UTRN: variants seen among roughly 807,000 people sequenced by gnomAD.
UTRN encodes the protein dystrophin-related protein 1.
In UTRN, 283 loss-of-function variants were observed where a neutral mutation model predicts 463.9. The ratio of observed to expected loss-of-function variants is 0.61; its 90% CI spans 0.55 to 0.67. UTRN has a LOEUF of 0.67. Among genes scored for constraint, UTRN ranks in the 30% least tolerant of loss-of-function variants. The pLI is 0.00. For synonymous variants in UTRN, 1,442 were observed against 1,431.5 expected (o/e 1.01, Z -0.17); for missense variants, 3,922 against 4,084.3 (o/e 0.96, Z 1.08).
intron 2 of UTRN, among the ~76,000 whole-genome samples, chr6:144,362,046 A>G (rs946608475): frequency 3.9e-5 from 6 of 152,216 alleles, no homozygotes; most frequent in African/African-American, 1.4e-4. Context: ...ACAACAACAA[A>G]AAAAGGAGTA....
intron 58 of UTRN, among the ~76,000 whole-genome samples, chr6:144,764,069 A>G (rs1278267781): frequency 6.6e-6 from 1 of 152,202 alleles, no homozygotes; most frequent in Non-Finnish European, 1.5e-5. Context: ...TCTTTCTAGT[A>G]GTCTGTGACT....
At chr6:144,729,543 T>C (rs981055414) in intron 53 of UTRN, among the ~76,000 whole-genome samples, 16 of 152,240 alleles carry the variant, frequency 1.1e-4, no homozygotes, top group African/African-American at 3.9e-4. Flanking sequence ...GTTATGTGTT[T>C]AATTTTAAGA....
intron 51 of UTRN, among the ~76,000 whole-genome samples, chr6:144,657,724 A>C (rs1779471492): frequency 6.6e-6 from 1 of 152,086 alleles, no homozygotes; most frequent in Non-Finnish European, 1.5e-5. Context: ...TGTTCCACGG[A>C]GTTTTTGTTT....
Position 144,505,869 on chromosome 6 carries a change from T to C in UTRN, c.4765-5075T>C, listed in dbSNP as rs537275783. Among the ~76,000 whole-genome samples, 13 of 152,310 alleles carry C rather than the reference T, an allele frequency of 8.5e-5. No individual in the cohort carries two copies. The East Asian group carries it at 2.3e-3, about 27-fold the overall frequency. On this transcript the variant is annotated intron_variant, in intron 34 of 74. Transcript: ENST00000367545. ...CCAGTTGGGCGTTAAAGTATCCCCC[T>C]ATTATTGTGTGGAAGTCTAAGTCTC... is the stretch of plus-strand genomic sequence containing the variant.
chr6:144,480,099 T>A, intron 26 of UTRN, 117 bp downstream of exon 26: 1 of 1,231,010 alleles, frequency 8.1e-7, no homozygotes, highest in Non-Finnish European at 1.1e-6. Flanking sequence ...TCTTTCACAG[T>A]AGGTTTTTGA....
chr6:144,686,073 A>G lies in UTRN; in HGVS notation c.7652+7495A>G, dbSNP rs535281715. Among the ~76,000 whole-genome samples the G allele has an allele frequency of 2.6e-5, 4 of 152,228 alleles. No individual in the cohort carries two copies. The South Asian group carries it at 6.2e-4, about 24-fold the overall frequency. On this transcript the variant is annotated intron_variant, in intron 52 of 74. Coordinates refer to ENST00000367545, the MANE Select transcript of UTRN (RefSeq NM_007124.3). Reference sequence around the variant, plus strand: ...TAATCCATGTTGAGTTGATTTTTGTATATAGTGAGAAATAGGAATTCAGTT... The same window carrying G: ...TAATCCATGTTGAGTTGATTTTTGTGTATAGTGAGAAATAGGAATTCAGTT...
At chr6:144,364,824 T>G (rs1242608919) in intron 2 of UTRN, among the ~76,000 whole-genome samples, 1 of 152,198 alleles carries the variant, frequency 6.6e-6, no homozygotes, top group Non-Finnish European at 1.5e-5. Context: ...GTTTCTTGGC[T>G]CATGGCTCTC....
rs1799462735 is a variant in UTRN, at chr6:144,557,181, G to A, written c.7159G>A (p.Gly2387Arg). The change falls in exon 50 of 75, where the codon GGA (glycine) becomes AGA (arginine). Residue 2387 changes from glycine to arginine, a missense_variant. Physicochemically the swap from Gly to Arg is moderately radical, Grantham distance 125. Around this residue, in one of 3 missense-constraint regions of UTRN, gnomAD observed 1,309 missense variants for 1,452.6 expected, o/e 0.90. Coordinates refer to ENST00000367545, the MANE Select transcript of UTRN (RefSeq NM_007124.3). ...NQILLQELGP[G>R]DGIVMAFDNV... ...GATACTGCTTCAAGAACTGGGTCCT[G>A]GAGATGGTATCGTCATGGCGTTCGA... 2 of 1,613,878 alleles carry A rather than the reference G, an allele frequency of 1.2e-6. No homozygotes were observed. Among genetic ancestry groups the A allele is most frequent in the African/African-American group, 1.3e-5 (1 of 75,032 alleles).
At chr6:144,653,563 G>A (rs191350985) in intron 51 of UTRN, among the ~76,000 whole-genome samples, 40 of 151,484 alleles carry the variant, frequency 2.6e-4, no homozygotes, top group Middle Eastern at 3.4e-3. Context: ...TCCAGCCTGG[G>A]CGACAGAGCG....
intron 51 of UTRN, among the ~76,000 whole-genome samples, chr6:144,597,110 T>A (rs550205912): frequency 1.3e-5 from 2 of 152,162 alleles, no homozygotes; most frequent in African/African-American, 2.4e-5. Context: ...TGGTGGCACA[T>A]GCCTGTAGTC....
At chr6:144,643,883 C>T (rs918877613) in intron 51 of UTRN, among the ~76,000 whole-genome samples, 1 of 152,020 alleles carries the variant, frequency 6.6e-6, no homozygotes, top group Non-Finnish European at 1.5e-5. Context: ...GAAACATGCA[C>T]ACGTTTTTTA....
At position 144,429,740 on chromosome 6, in the gene UTRN, A is replaced by G. The variant is rs1230537160; in HGVS notation, c.854A>G (p.Gln285Arg). 2 of 1,606,502 alleles carry G rather than the reference A, an allele frequency of 1.2e-6. No individual in the cohort carries two copies. Among genetic ancestry groups the G allele is most frequent in the Non-Finnish European group, 1.7e-6 (2 of 1,177,794 alleles). Reference sequence around the variant, plus strand: ...TGTGAAGAAGAGGCAATTAATATACAGGTACAGGTAACATTTTATTAAGAT... The same window carrying G: ...TGTGAAGAAGAGGCAATTAATATACGGGTACAGGTAACATTTTATTAAGAT... ...KECEEEAINI[Q>R]STAPEEEHES... The change falls in exon 9 of 75, where the codon CAG (glutamine) becomes CGG (arginine). Residue 285 changes from glutamine (Q) to arginine (R), a missense_variant and splice_region_variant. By Grantham distance (43) the Gln-to-Arg change is conservative. This residue lies in a region of UTRN where 2,349 missense variants were observed against 2,303.8 expected (regional missense o/e 1.02). Transcript: ENST00000367545.
At chr6:144,569,232 A>G (rs1163876469) in intron 50 of UTRN, among the ~76,000 whole-genome samples, 2 of 152,110 alleles carry the variant, frequency 1.3e-5, no homozygotes, top group Non-Finnish European at 2.9e-5. Context: ...AATAACATGT[A>G]TAAGCTATGA....
At chr6:144,805,295 G>A (rs1778048551) in intron 65 of UTRN, among the ~76,000 whole-genome samples, 1 of 152,068 alleles carries the variant, frequency 6.6e-6, no homozygotes. Flanking sequence ...GAATGAACAA[G>A]GAAACGAATA....
At chr6:144,813,744 A>G (rs1229232946) in intron 65 of UTRN, among the ~76,000 whole-genome samples, 1 of 152,192 alleles carries the variant, frequency 6.6e-6, no homozygotes, top group Non-Finnish European at 1.5e-5. Flanking sequence ...AGAACCAGAT[A>G]GCCCCCAAAA....
In UTRN at chr6:144,454,454, A is replaced by C. The variant is rs1298856722; in HGVS notation, c.2284+585A>C. 3.3e-5 allele frequency among the ~76,000 whole-genome samples: 5 copies of C among 152,218 alleles called. No homozygotes were observed. In the East Asian group the frequency reaches 9.7e-4, roughly 29 times the overall value. On this transcript the variant is annotated intron_variant, in intron 19 of 74. Coordinates refer to ENST00000367545, the MANE Select transcript of UTRN (RefSeq NM_007124.3). ...TCTTGATGTGCAGTTTTGCATATGA[A>C]TCTCTCTTTGTTCTAGAGAAATGTT...
At chr6:144,400,246 A>G (rs1293818569) in intron 2 of UTRN, among the ~76,000 whole-genome samples, 1 of 152,202 alleles carries the variant, frequency 6.6e-6, no homozygotes, top group East Asian at 1.9e-4. Flanking sequence ...ATACATATAT[A>G]TTTATAATCA....
At chr6:144,717,862 C>T (rs1786680572) in intron 53 of UTRN, among the ~76,000 whole-genome samples, 1 of 151,938 alleles carries the variant, frequency 6.6e-6, no homozygotes, top group Non-Finnish European at 1.5e-5. Flanking sequence ...GTCTCGAACT[C>T]CTGACCTCAT....
chr6:144,481,580 G>A (rs1245384578), intron 26 of UTRN, among the ~76,000 whole-genome samples: 1 of 152,196 alleles, frequency 6.6e-6, no homozygotes, highest in Non-Finnish European at 1.5e-5. Context: ...CAGCCCTCCA[G>A]TGATAATGAA....
Sources: gnomAD v4.1 joint callset for allele counts (sites outside exome capture counted in the v4.1 genomes callset) on GRCh38, gnomAD v4.1.1 for gene constraint, gnomAD v4.1.1 regional missense constraint, MANE v1.5 for transcripts, NCBI Gene and HGNC (gene_info 2026-07-23, HGNC 2026-07-21) for gene names.